The following FHIT variants were observed in gnomAD, a reference collection of about 807,000 sequenced individuals.
FHIT encodes bis(5'-adenosyl)-triphosphatase.
A neutral mutation model predicts 17.9 loss-of-function variants in FHIT; 19 were observed. The observed-to-expected ratio is 1.06, with a 90% CI of 0.74 to 1.56. The LOEUF is 1.56. Among genes scored for constraint, FHIT ranks in the 40% most tolerant of loss-of-function variants. The pLI, the probability that FHIT is intolerant of heterozygous loss-of-function variation, is 0.00. For synonymous variants in FHIT, 81 were observed against 69.7 expected (o/e 1.16, Z -0.81); for missense variants, 248 against 189.2 (o/e 1.31, Z -1.82).
chr3:60,097,379 C>A (rs1156576948), intron 5 of FHIT, among the ~76,000 whole-genome samples: 2 of 152,126 alleles, frequency 1.3e-5, no homozygotes, highest in African/African-American at 2.4e-5. Flanking sequence ...AAAGAGGACA[C>A]ACTGCCCCTG....
chr3:60,944,353 A>G (rs1448162661), intron 3 of FHIT, among the ~76,000 whole-genome samples: 2 of 151,310 alleles, frequency 1.3e-5, no homozygotes, highest in African/African-American at 2.4e-5. Context: ...TTCCTCCATC[A>G]ACTCTGTTCT....
At chr3:60,375,802 G>C (rs545461740) in intron 5 of FHIT, among the ~76,000 whole-genome samples, 1 of 151,924 alleles carries the variant, frequency 6.6e-6, no homozygotes, top group East Asian at 1.9e-4. Flanking sequence ...TCTGTAGAAA[G>C]ACCTTCCCAG....
chr3:60,986,551 T>C (rs1449777336), intron 3 of FHIT, among the ~76,000 whole-genome samples: 2 of 152,152 alleles, frequency 1.3e-5, no homozygotes, highest in African/African-American at 4.8e-5. Context: ...CTGCCAACAG[T>C]AAATCTTTCT....
rs1054142688 is a variant in FHIT, at chr3:60,572,756, C to G, written c.-17-35777G>C. 2.6e-5 allele frequency among the ~76,000 whole-genome samples: 4 copies of G among 152,114 alleles called. No homozygotes were observed. In the South Asian group the frequency reaches 8.3e-4, roughly 32 times the overall value. ...AGATGGGAGACAGGGTCAGATTCAT[C>G]ACATCATTTCTTTTGACAGCCTAGC... On this transcript the variant is annotated intron_variant, in intron 4 of 9. Transcript: ENST00000492590.
intron 5 of FHIT, among the ~76,000 whole-genome samples, chr3:60,035,623 T>G (rs1409204889): frequency 6.6e-6 from 1 of 152,176 alleles, no homozygotes; most frequent in Non-Finnish European, 1.5e-5. Context: ...AATCATGCAA[T>G]GAATTAAGGA....
intron 5 of FHIT, among the ~76,000 whole-genome samples, chr3:60,162,488 A>T (rs1439541267): frequency 6.6e-6 from 1 of 152,136 alleles, no homozygotes; most frequent in Non-Finnish European, 1.5e-5. Flanking sequence ...GTTTCCCTAA[A>T]TATTTAGAAA....
At chr3:61,042,716 T>A (rs1391531247) in intron 2 of FHIT, among the ~76,000 whole-genome samples, 1 of 151,830 alleles carries the variant, frequency 6.6e-6, no homozygotes, top group African/African-American at 2.4e-5. Flanking sequence ...CGTGGGTACC[T>A]GTAATGCCAG....
intron 3 of FHIT, among the ~76,000 whole-genome samples, chr3:61,031,068 T>A (rs1411423684): frequency 6.6e-6 from 1 of 152,186 alleles, no homozygotes; most frequent in Non-Finnish European, 1.5e-5. Flanking sequence ...ACAGGTAACA[T>A]GCTTCAACCC....
intron 2 of FHIT, among the ~76,000 whole-genome samples, chr3:61,110,053 T>C (rs749410244): frequency 6.6e-6 from 1 of 152,164 alleles, no homozygotes; most frequent in Non-Finnish European, 1.5e-5. Context: ...CTGGACTGTC[T>C]ATCTCTACTT....
intron 5 of FHIT, among the ~76,000 whole-genome samples, chr3:60,280,245 A>T (rs1327727144): frequency 2.0e-5 from 3 of 152,110 alleles, no homozygotes; most frequent in African/African-American, 7.2e-5. Flanking sequence ...AAAATCTACA[A>T]AAAAACCTAC....
At chr3:60,360,006 T>TTTTTTC in intron 5 of FHIT, among the ~76,000 whole-genome samples, 1 of 150,992 alleles carries the variant, frequency 6.6e-6, no homozygotes, top group South Asian at 2.1e-4. Flanking sequence ...TCTTTTTTTT[T>TTTTTTC]TTTTCATTCT....
rs538156093 is a variant in FHIT, at chr3:60,614,825, T to G, written c.-17-77846A>C. Among the ~76,000 whole-genome samples the G allele has an allele frequency of 2.8e-3, 238 of 85,244 alleles. 12 individuals carry two copies. The highest frequency in any genetic ancestry group is 7.4e-3 in the African/African-American group (227 of 30,716). The allele number at this position is 85,244 out of a possible 152,430, so 55.9% of individuals were successfully genotyped here. A position where few individuals can be genotyped will look rare whatever the true frequency, so the allele number is the denominator to read the frequency against. ...GCAAAAGTTGTTTTTTTTTTGTTTT[T>G]TTTTTGTTTTTTTTTTGTTTTTTGA... On this transcript the variant is annotated intron_variant, in intron 4 of 9. Transcript: ENST00000492590.
At chr3:61,002,429 G>C (rs2031157132) in intron 3 of FHIT, among the ~76,000 whole-genome samples, 1 of 152,046 alleles carries the variant, frequency 6.6e-6, no homozygotes, top group African/African-American at 2.4e-5. Context: ...TGCCAGGCCA[G>C]TCTTTTACTT....
intron 4 of FHIT, among the ~76,000 whole-genome samples, chr3:60,592,386 C>G (rs530132698): frequency 1.3e-5 from 2 of 151,962 alleles, no homozygotes; most frequent in East Asian, 3.9e-4. Flanking sequence ...GTATACCTAT[C>G]TGCAACAGAC....
intron 8 of FHIT, among the ~76,000 whole-genome samples, chr3:59,883,603 A>T (rs1191868794): frequency 6.6e-6 from 1 of 152,226 alleles, no homozygotes; most frequent in Admixed American, 6.5e-5. Context: ...GCTACTATTC[A>T]ACATGAGATT....
At chr3:60,318,422 G>T (rs180849425) in intron 5 of FHIT, among the ~76,000 whole-genome samples, 120 of 152,034 alleles carry the variant, frequency 7.9e-4, no homozygotes, top group African/African-American at 2.5e-3. Context: ...GCATCTGGGG[G>T]GTGAAAAAAT....
In FHIT at chr3:59,914,075, T is replaced by C. The variant is rs199651089; in HGVS notation, c.348+8271A>G. ...TACATATGTTATTAAAAGTGTTTGGTAGCAACACCAAAACAAGTACAAAGA... is the reference window on the plus strand; with the variant it reads ...TACATATGTTATTAAAAGTGTTTGGCAGCAACACCAAAACAAGTACAAAGA... On this transcript the variant is annotated intron_variant, in intron 8 of 9. Transcript: ENST00000492590. Among the ~76,000 whole-genome samples, 36 of 152,322 alleles carry C rather than the reference T, an allele frequency of 2.4e-4. No homozygotes were observed. In the East Asian group the frequency reaches 6.6e-3, roughly 28 times the overall value.
chr3:59,992,816 C>A (rs1485171613), intron 7 of FHIT, among the ~76,000 whole-genome samples: 1 of 151,996 alleles, frequency 6.6e-6, no homozygotes, highest in East Asian at 1.9e-4. Flanking sequence ...CCATCACACC[C>A]TCGCAACAGT....
intron 5 of FHIT, among the ~76,000 whole-genome samples, chr3:60,502,311 G>C (rs996138233): frequency 6.6e-6 from 1 of 152,162 alleles, no homozygotes; most frequent in Non-Finnish European, 1.5e-5. Flanking sequence ...AGTGGTCATA[G>C]AGGAAGACCT....
Sources: gnomAD v4.1 joint callset for allele counts (sites outside exome capture counted in the v4.1 genomes callset) on GRCh38, gnomAD v4.1.1 for gene constraint, MANE v1.5 for transcripts, NCBI Gene and HGNC (gene_info 2026-07-23, HGNC 2026-07-21) for gene names.